Variants in NOP14 observed in about 807,000 individuals in gnomAD.
NOP14 encodes NOP14 nucleolar protein.
NOP14 carries 57 observed loss-of-function variants against 101.6 expected under a neutral mutation model. The ratio of observed to expected loss-of-function variants is 0.56; its 90% CI spans 0.45 to 0.70. The LOEUF (loss-of-function observed/expected upper bound fraction) is 0.70, where lower values mean the gene tolerates loss of function less well. Ranked by LOEUF, NOP14 falls within the 30% of genes least tolerant of loss-of-function variation. The probability of loss-of-function intolerance (pLI) is 0.00; values close to 1 mark genes in which losing one functional copy is unlikely to be tolerated. For missense variants in NOP14, 1,134 were observed against 1,075.5 expected (o/e 1.05, Z -0.76); for synonymous variants, 428 against 424.0 (o/e 1.01, Z -0.12).
chr4:2,952,570 T>C (rs1212372615), intron 5 of NOP14, among the ~76,000 whole-genome samples, 173 bp from the exon 6 acceptor site: 2 of 152,208 alleles, frequency 1.3e-5, no homozygotes, highest in South Asian at 2.1e-4. Context: ...TGATAAGCCC[T>C]GAGGATTGCG....
chr4:2,939,122 C>T, intron 17 of NOP14, 66 bp downstream of exon 17: 1 of 1,596,762 alleles, frequency 6.3e-7, no homozygotes, highest in African/African-American at 1.3e-5. Flanking sequence ...GGTGCTCTGC[C>T]CAGGGCCACA....
chr4:2,942,782 CG>C (rs1163369483), intron 13 of NOP14, among the ~76,000 whole-genome samples: 8 of 152,050 alleles, frequency 5.3e-5, no homozygotes, highest in Non-Finnish European at 8.8e-5. Context: ...GAGAGTCAGT[CG>C]GGGGTGACGG....
rs754633783 is a variant in NOP14, at chr4:2,944,149, G to A, written c.1815C>T (p.Ser605=). 5.6e-6 allele frequency: 9 copies of A among 1,613,762 alleles called. No individual in the cohort carries two copies. Among genetic ancestry groups the A allele is most frequent in the African/African-American group, 1.3e-5 (1 of 74,902 alleles). The change falls in exon 13 of 18, where the codon TCC becomes TCT. Residue 605 remains serine (S), a synonymous_variant. Transcript: ENST00000416614. ...TAATAAGCTCAGGTATAAACCTCTG[G>A]GACAAAGCCACATACTCCAGGAACA... ...CCLFLEYVAL[S]QRFIPELINF...
chr4:2,942,451 C>T (rs1032861187), intron 13 of NOP14, 100 bp from the exon 14 acceptor site: 18 of 1,196,732 alleles, frequency 1.5e-5, no homozygotes, highest in Middle Eastern at 2.0e-4. Context: ...CTCTAACAGA[C>T]GCACACCGAT....
intron 15 of NOP14, among the ~76,000 whole-genome samples, chr4:2,940,057 CCT>C (rs1714034822): frequency 6.6e-6 from 1 of 152,236 alleles, no homozygotes; most frequent in Admixed American, 6.5e-5. Flanking sequence ...CAGGAGAACC[CCT>C]TTCTGCCGCG....
At position 2,952,394 on chromosome 4, in the gene NOP14, C is replaced by A; in HGVS notation, c.751G>T (p.Asp251Tyr). The change falls in exon 6 of 18, where the codon GAT (aspartate) becomes TAT (tyrosine). Residue 251 changes from aspartate to tyrosine, a missense_variant. Coordinates refer to ENST00000416614, the MANE Select transcript of NOP14 (RefSeq NM_001291978.2). ...TCGCGAACCATCATGTCATATGCATCGGGCTAAGGTAGAAAGAAGAAATTC... is the reference window on the plus strand; with the variant it reads ...TCGCGAACCATCATGTCATATGCATAGGGCTAAGGTAGAAAGAAGAAATTC... ...NRDKKEKPKP[D>Y]AYDMMVRELG... 3 of 1,607,178 alleles carry A rather than the reference C, an allele frequency of 1.9e-6. No individual in the cohort carries two copies. Among genetic ancestry groups the A allele is most frequent in the Non-Finnish European group, 2.6e-6 (3 of 1,175,888 alleles).
At chr4:2,938,993 T>C (rs763943779) in intron 17 of NOP14, 63 bp from the exon 18 acceptor site, 4 of 1,519,392 alleles carry the variant, frequency 2.6e-6, no homozygotes, top group Non-Finnish European at 3.7e-6. Flanking sequence ...TCTTGCCCTC[T>C]CTCTCCCACA....
chr4:2,962,806 T>C (rs902751476), intron 1 of NOP14, among the ~76,000 whole-genome samples: 4 of 152,054 alleles, frequency 2.6e-5, no homozygotes, highest in African/African-American at 9.7e-5. Flanking sequence ...TCCCCAAACC[T>C]GCAGAGCTCA....
At chr4:2,950,417 G>A (rs925229760) in intron 7 of NOP14, 24 of 608,574 alleles carry the variant, frequency 3.9e-5, no homozygotes, top group Middle Eastern at 4.4e-4. Context: ...GGAGCTACAG[G>A]CTGCTAGAGA....
chr4:2,957,319 A>C (rs1715415929), intron 2 of NOP14, among the ~76,000 whole-genome samples: 1 of 152,162 alleles, frequency 6.6e-6, no homozygotes, highest in Admixed American at 6.5e-5. Flanking sequence ...GGAATTCTTA[A>C]ATAAGCCCAG....
At chr4:2,939,007 G>A (rs1713914316) in intron 17 of NOP14, 77 bp from the exon 18 acceptor site, 2 of 1,495,680 alleles carry the variant, frequency 1.3e-6, no homozygotes, top group Admixed American at 3.4e-5. Flanking sequence ...TCCCACATCA[G>A]AACCACATTA....
At chr4:2,959,659 A>C (rs943308974) in intron 1 of NOP14, among the ~76,000 whole-genome samples, 4 of 152,162 alleles carry the variant, frequency 2.6e-5, no homozygotes, top group African/African-American at 9.7e-5. Context: ...CCAGAGTCTA[A>C]AGACAGCGAG....
chr4:2,957,638 T>G lies in NOP14; in HGVS notation c.298A>C (p.Lys100Gln). 1 of 1,614,142 alleles carries G rather than the reference T, an allele frequency of 6.2e-7. No homozygotes were observed. The highest frequency in any genetic ancestry group is 1.6e-4 in the Middle Eastern group (1 of 6,062). ...TCCAGAGCAAACCTCTTCATCATCT[T>G]CTCCTCGGGGCTCATGTTGCTGTTG... ...EYNSNMSPEE[K>Q]MMKRFALEQQ... is the part of the protein sequence containing the mutation. The change falls in exon 2 of 18, where the codon AAG (lysine) becomes CAG (glutamine). Residue 100 changes from lysine to glutamine, a missense_variant. Coordinates refer to ENST00000416614, the MANE Select transcript of NOP14 (RefSeq NM_001291978.2).
chr4:2,943,484 CAG>C (rs781761440), intron 13 of NOP14, among the ~76,000 whole-genome samples: 1 of 152,292 alleles, frequency 6.6e-6, no homozygotes, highest in African/African-American at 2.4e-5. Flanking sequence ...GGGCTGGCAT[CAG>C]GGGAAGGGGG....
chr4:2,957,222 G>C (rs551877458), intron 2 of NOP14, among the ~76,000 whole-genome samples: 2 of 151,956 alleles, frequency 1.3e-5, no homozygotes, highest in East Asian at 1.9e-4. Flanking sequence ...GGATGGTCTC[G>C]ATCTCCTGAC....
In NOP14 at chr4:2,938,223, A is replaced by G. The variant is rs1359969190; in HGVS notation, c.*608T>C. 4 of 1,289,022 alleles carry G rather than the reference A, an allele frequency of 3.1e-6. No individual in the cohort carries two copies. Among genetic ancestry groups the G allele is most frequent in the African/African-American group, 1.5e-5 (1 of 65,814 alleles). 79.8% of individuals were successfully genotyped at this position (1,289,022 alleles called of 1,614,324 possible). A position where few individuals can be genotyped will look rare whatever the true frequency, so the allele number is the denominator to read the frequency against. On this transcript the variant is annotated 3_prime_UTR_variant, in exon 18 of 18. Transcript: ENST00000416614. ...GGAATCACACCAACATTATAGCATT[A>G]TTACTCTAAAAAAAATTACTTTTTT...
At chr4:2,963,012 C>T in intron 1 of NOP14, 113 bp downstream of exon 1, 1 of 1,121,938 alleles carries the variant, frequency 8.9e-7, no homozygotes, top group Non-Finnish European at 1.2e-6. Context: ...GTGTGCCTGT[C>T]ACGGCCTGTG....
At position 2,946,541 on chromosome 4, in the gene NOP14, T is replaced by G. The variant is rs762099577; in HGVS notation, c.1506A>C (p.Leu502Phe). 1 of 1,614,148 alleles carries G rather than the reference T, an allele frequency of 6.2e-7. No individual in the cohort carries two copies. Among genetic ancestry groups the G allele is most frequent in the Non-Finnish European group, 8.5e-7 (1 of 1,179,984 alleles). ...LTVIDKLVVH[L>F]YHLCQMFPES... is the part of the protein sequence containing the mutation. The stretch of plus-strand genomic sequence containing the variant: ...CAGGAAACATCTGGCAAAGATGATA[T>G]AAGTGCCTGTTAAGCAGAAATGTAA... The change falls in exon 11 of 18, where the codon TTA becomes TTC. Residue 502 changes from leucine (L) to phenylalanine (F), a missense_variant. Physicochemically the swap from Leu to Phe is conservative, Grantham distance 22. Coordinates refer to ENST00000416614, the MANE Select transcript of NOP14 (RefSeq NM_001291978.2).
At chr4:2,949,493 C>T (rs1348533459) in intron 8 of NOP14, among the ~76,000 whole-genome samples, 5 of 152,206 alleles carry the variant, frequency 3.3e-5, no homozygotes, top group African/African-American at 9.7e-5. Context: ...GCATCAGCCA[C>T]GCACCTGGCC....
Sources: allele counts gnomAD v4.1 joint callset (sites outside exome capture counted in the v4.1 genomes callset), GRCh38; gene constraint gnomAD v4.1.1; transcripts MANE v1.5; gene names NCBI Gene and HGNC (gene_info 2026-07-23, HGNC 2026-07-21).